Variants in F8 observed in about 807,000 individuals in gnomAD.
F8 encodes antihemophilic factor.
F8 carries 12 observed loss-of-function variants against 140.6 expected under a neutral mutation model. The observed-to-expected ratio is 0.09, with a 90% CI of 0.05 to 0.14. F8 has a LOEUF of 0.14. F8 is among the 10% of genes least tolerant of loss of function. F8 has a pLI of 1.00. For missense variants in F8, 1,354 were observed against 1,720.7 expected (o/e 0.79, Z 3.77); for synonymous variants, 585 against 614.6 (o/e 0.95, Z 0.71).
intron 10 of F8, among the ~76,000 whole-genome samples, chrX:154,960,082 G>A (rs2073388335): frequency 9.0e-6 from 1 of 111,731 alleles, no homozygotes; most frequent in African/African-American, 3.2e-5. Flanking sequence ...AATTTATGAA[G>A]TATGGAGTCA....
chrX:154,847,127 C>A (rs1291791771), intron 25 of F8, among the ~76,000 whole-genome samples: 1 of 112,309 alleles, frequency 8.9e-6, no homozygotes, highest in Non-Finnish European at 1.9e-5. Flanking sequence ...TCTCTTCTGG[C>A]TTGTAGAGTT....
chrX:155,003,479 A>G (rs2124153596), intron 1 of F8, among the ~76,000 whole-genome samples: 1 of 111,024 alleles, frequency 9.0e-6, no homozygotes, highest in South Asian at 3.8e-4. Context: ...TGGGCCCAGA[A>G]TGTCCAAAAA....
At chrX:155,012,401 CTT>C (rs2073710246) in intron 1 of F8, among the ~76,000 whole-genome samples, 2 of 111,490 alleles carry the variant, frequency 1.8e-5, no homozygotes, top group African/African-American at 6.5e-5. Flanking sequence ...GCCTTGAACT[CTT>C]GGGCTCAAGT....
chrX:154,955,317 ATTTTTTT>A (rs34537569), intron 11 of F8, among the ~76,000 whole-genome samples: 6 of 66,890 alleles, frequency 9.0e-5, no homozygotes, highest in Admixed American at 3.5e-4. Flanking sequence ...TGCCCAGCTA[ATTTTTTT>A]TTTTTTTTTT....
intron 13 of F8, among the ~76,000 whole-genome samples, chrX:154,935,514 C>T (rs1247000868): frequency 4.5e-5 from 5 of 111,772 alleles, no homozygotes; most frequent in African/African-American, 1.6e-4. Context: ...ACCTCTTCTT[C>T]ACACCATACA....
At chrX:154,946,335 G>A (rs1231108522) in intron 13 of F8, among the ~76,000 whole-genome samples, 1 of 112,008 alleles carries the variant, frequency 8.9e-6, no homozygotes, top group Non-Finnish European at 1.9e-5. Context: ...ATACTACAAA[G>A]CTGTAGTAAC....
rs781815147 is a variant in F8, at chrX:154,993,495, A to G, written c.389-347T>C. Among the ~76,000 whole-genome samples the G allele has an allele frequency of 1.2e-4, 13 of 110,862 alleles. No individual in the cohort carries two copies. The South Asian group carries it at 4.9e-3, about 42-fold the overall frequency. Reference sequence around the variant, plus strand: ...TCTTAAACTCCTGACCTTGTGATCCACCCGCCTCAGCCTCCCAAAGTGCTG... The same window carrying G: ...TCTTAAACTCCTGACCTTGTGATCCGCCCGCCTCAGCCTCCCAAAGTGCTG... On this transcript the variant is annotated intron_variant, in intron 3 of 25. Transcript: ENST00000360256.
chrX:154,868,858 C>T (rs1232871878), intron 22 of F8, among the ~76,000 whole-genome samples: 2 of 109,020 alleles, frequency 1.8e-5, no homozygotes. Context: ...GAATATTTAC[C>T]AAGCAAATGG....
chrX:154,852,430 C>T (rs1405228112), intron 25 of F8, among the ~76,000 whole-genome samples: 3 of 111,628 alleles, frequency 2.7e-5, no homozygotes, highest in African/African-American at 9.8e-5. Context: ...TGTGGATATC[C>T]AATTGTCCCA....
rs1557282390 is a variant in F8 at position 154,969,562 on chromosome X, A to G, written c.788-10T>C. ...TGGCATCCAATCAGACCTGTAAAGT[A>G]GGAATAAGACACCTATGGCTATGAA... On this transcript the variant is annotated splice_polypyrimidine_tract_variant and intron_variant, in intron 6 of 25. Coordinates refer to ENST00000360256, the MANE Select transcript of F8 (RefSeq NM_000132.4). The G allele has an allele frequency of 8.4e-7, 1 of 1,184,890 alleles. No homozygotes were observed. Among genetic ancestry groups the G allele is most frequent in the South Asian group, 1.8e-5 (1 of 56,416 alleles).
At chrX:154,959,378 G>A (rs187778312) in intron 10 of F8, among the ~76,000 whole-genome samples, 13 of 108,960 alleles carry the variant, frequency 1.2e-4, no homozygotes, top group Admixed American at 8.7e-4. Flanking sequence ...AGAGCGAGAC[G>A]CTGTCTCAAA....
intron 12 of F8, among the ~76,000 whole-genome samples, chrX:154,948,666 T>C (rs891715956): frequency 4.5e-5 from 5 of 112,013 alleles, no homozygotes; most frequent in Non-Finnish European, 9.4e-5. Flanking sequence ...AAAAGTAACA[T>C]TGGCCTTAGT....
At chrX:154,940,105 C>T (rs1557279617) in intron 13 of F8, among the ~76,000 whole-genome samples, 1 of 111,909 alleles carries the variant, frequency 8.9e-6, no homozygotes. Context: ...AGAATCAGAG[C>T]ACCTCCCCTC....
intron 3 of F8, 106 bp downstream of exon 3, chrX:154,996,867 G>A (rs1603436630): frequency 2.3e-6 from 2 of 855,163 alleles, no homozygotes; most frequent in East Asian, 6.3e-5. Flanking sequence ...TACACATAAT[G>A]TTCAGTTAGG....
Position 154,903,054 on chromosome X carries a change from C to T in F8, c.5998+852G>A, listed in dbSNP as rs782350133. On this transcript the variant is annotated intron_variant, in intron 18 of 25. Coordinates refer to ENST00000360256, the MANE Select transcript of F8 (RefSeq NM_000132.4). ...TGGACATTGTAATTTCTGATTTGAA[C>T]TGTATTTGTGACATAAAGTGACTTT... Among the ~76,000 whole-genome samples, 23 of 112,211 alleles carry T rather than the reference C, an allele frequency of 2.0e-4. No homozygotes were observed. In the South Asian group the frequency reaches 7.7e-3, roughly 38 times the overall value.
chrX:154,970,897 T>A (rs1372790579), intron 6 of F8, among the ~76,000 whole-genome samples: 1 of 111,834 alleles, frequency 8.9e-6, no homozygotes, highest in African/African-American at 3.3e-5. Flanking sequence ...AATCTGTCCC[T>A]CCACTATAAG....
At chrX:154,945,195 C>A (rs781934714) in intron 13 of F8, among the ~76,000 whole-genome samples, 30 of 110,825 alleles carry the variant, frequency 2.7e-4, no homozygotes, top group African/African-American at 9.2e-4. Context: ...CTAATACCAG[C>A]TCTTCACAAA....
At chrX:154,851,596 C>T (rs1285426676) in intron 25 of F8, among the ~76,000 whole-genome samples, 1 of 110,649 alleles carries the variant, frequency 9.0e-6, no homozygotes, top group African/African-American at 3.3e-5. Flanking sequence ...TTTAATTTAG[C>T]CATCCTAGCA....
chrX:154,974,822 G>T (rs1398800007), intron 6 of F8, among the ~76,000 whole-genome samples: 1 of 111,407 alleles, frequency 9.0e-6, no homozygotes, highest in African/African-American at 3.3e-5. Context: ...TTGGTAGGTT[G>T]TATGTGTCCA....
Sources: gnomAD v4.1 joint callset for allele counts (sites outside exome capture counted in the v4.1 genomes callset) on GRCh38, gnomAD v4.1.1 for gene constraint, MANE v1.5 for transcripts, NCBI Gene and HGNC (gene_info 2026-07-23, HGNC 2026-07-21) for gene names.